Variants in FLG observed in about 807,000 individuals in gnomAD.
FLG encodes the protein filaggrin.
Under a neutral mutation model 3.8 loss-of-function variants are expected in FLG, and 6 were observed. That is an observed-to-expected ratio of 1.60 (90% CI 0.87 to 3.15). The LOEUF (loss-of-function observed/expected upper bound fraction) is 3.15. Among genes scored for constraint, FLG ranks in the 30% most tolerant of loss-of-function variants. The probability of loss-of-function intolerance (pLI) is 0.00; values close to 1 mark genes in which losing one functional copy is unlikely to be tolerated. For missense variants in FLG, 7,595 were observed against 5,050.9 expected (o/e 1.50, Z -15.27); for synonymous variants, 2,551 against 1,931.6 (o/e 1.32, Z -8.41).
In FLG at chr1:152,310,597, T is replaced by G. The variant is rs747402421; in HGVS notation, c.4289A>C (p.Gln1430Pro). 21 of 1,613,934 alleles carry G rather than the reference T, an allele frequency of 1.3e-5. No homozygotes were observed. Among genetic ancestry groups the G allele is most frequent in the Non-Finnish European group, 1.8e-5 (21 of 1,179,956 alleles). Residue 1430 changes from glutamine to proline, a missense_variant, in exon 3 of 3, where the codon CAG becomes CCG. Coordinates refer to ENST00000368799, the MANE Select transcript of FLG (RefSeq NM_002016.2). ...QQSHKESARG[Q>P]SGESSGRSRS... ...TGAACGTCCAGAGCTTTCCCCTGAC[T>G]GGCCACGTGCGGACTCTTTGTGGCT...
rs750064713 is a variant in FLG, at chr1:152,303,563, C to T, written c.11323G>A (p.Glu3775Lys). 43 of 1,613,914 alleles carry T rather than the reference C, an allele frequency of 2.7e-5. No individual in the cohort carries two copies. The highest frequency in any genetic ancestry group is 3.5e-5 in the Non-Finnish European group (41 of 1,180,012). The change falls in exon 3 of 3, where the codon GAG becomes AAG. Residue 3775 changes from glutamate (E) to lysine (K), a missense_variant. By Grantham distance (56) the Glu-to-Lys change is moderately conservative. Transcript: ENST00000368799. ...TGTCCAGACCTATCTACCGATTGCT[C>T]GTGGTAGGATCCCTGTCTTCCTCCT... ...RRGGRQGSYH[E>K]QSVDRSGHSG...
chr1:152,304,667 T>C lies in FLG; in HGVS notation c.10219A>G (p.Thr3407Ala), dbSNP rs1570895283. 1.9e-6 allele frequency: 3 copies of C among 1,611,878 alleles called. No homozygotes were observed. Among genetic ancestry groups the C allele is most frequent in the East Asian group, 2.2e-5 (1 of 44,564 alleles). ...TGGTGGGATCCTTGTCTTCGTCCAGTGCTGGTCCTGGTCCGCCCATGGGCA... is the reference window on the plus strand; with the variant it reads ...TGGTGGGATCCTTGTCTTCGTCCAGCGCTGGTCCTGGTCCGCCCATGGGCA... Reference protein sequence around the residue: ...ESAHGRTRTSTGRRQGSHHEQ... With the variant: ...ESAHGRTRTSAGRRQGSHHEQ... Residue 3407 changes from threonine to alanine, a missense_variant, in exon 3 of 3, where the codon ACT (threonine) becomes GCT (alanine). Physicochemically the swap from Thr to Ala is moderately conservative, Grantham distance 58 (BLOSUM62 0). Transcript: ENST00000368799.
chr1:152,305,228 C>G lies in FLG; in HGVS notation c.9658G>C (p.Asp3220His), dbSNP rs200240824. 1,118 of 1,613,334 alleles carry G rather than the reference C, an allele frequency of 6.9e-4. 9 individuals carry two copies. In the East Asian group the frequency reaches 0.017, roughly 25 times the overall value. ...GAGTCTTCTGAATGTCCCTCACTGT[C>G]ACTGTCCTGGCTCACACTGGATCCC... ...RQGSSVSQDS[D>H]SEGHSEDSER... The change falls in exon 3 of 3, where the codon GAC becomes CAC. Residue 3220 changes from aspartate to histidine, a missense_variant. By Grantham distance (81) the Asp-to-His change is moderately conservative. Coordinates refer to ENST00000368799, the MANE Select transcript of FLG (RefSeq NM_002016.2).
chr1:152,310,450 T>A lies in FLG; in HGVS notation c.4436A>T (p.His1479Leu), dbSNP rs776694382. Residue 1479 changes from histidine to leucine, a missense_variant, in exon 3 of 3, where the codon CAC becomes CTC. His to Leu is a moderately conservative substitution (Grantham distance 99). Transcript: ENST00000368799. ...GTCCTGACCGTCTTGGGATGCTGAG[T>A]GCCTAGAGCTGTTTCGTGCCTGCTC... The part of the protein sequence containing the change: ...RHEQARNSSR[H>L]SASQDGQDTI... 28 of 1,613,536 alleles carry A rather than the reference T, an allele frequency of 1.7e-5. No homozygotes were observed. The highest frequency in any genetic ancestry group is 2.2e-5 in the Non-Finnish European group (26 of 1,179,834).
rs549099674 is a variant in FLG, at chr1:152,308,104, C to T, written c.6782G>A (p.Gly2261Glu). 1.2e-6 allele frequency: 2 copies of T among 1,611,306 alleles called. No individual in the cohort carries two copies. Among genetic ancestry groups the T allele is most frequent in the Non-Finnish European group, 1.7e-6 (2 of 1,179,898 alleles). ...GHSEDSERRS[G>E]SASRNHHGSA... Reference sequence around the variant, plus strand: ...TCCATGATGGTTTCTGGACGCAGACCCAGACCGCCTCTCAGAATCTTCTGA... The same window carrying T: ...TCCATGATGGTTTCTGGACGCAGACTCAGACCGCCTCTCAGAATCTTCTGA... The change falls in exon 3 of 3, where the codon GGG (glycine) becomes GAG (glutamate). Residue 2261 changes from glycine to glutamate, a missense_variant. Physicochemically the swap from Gly to Glu is moderately conservative, Grantham distance 98. Transcript: ENST00000368799.
At chr1:152,315,067 A>G in intron 2 of FLG, 1 of 399,996 alleles carries the variant, frequency 2.5e-6, no homozygotes, top group Non-Finnish European at 4.4e-6. Flanking sequence ...AGAATATTAT[A>G]AATACCAAAA....
chr1:152,309,249 C>A lies in FLG; in HGVS notation c.5637G>T (p.Arg1879Ser). ...CTTCATGGTGACGCGACCCTGAGTGCCTGGAGCCGTCTCCTGATTGTTTCT... is the reference window on the plus strand; with the variant it reads ...CTTCATGGTGACGCGACCCTGAGTGACTGGAGCCGTCTCCTGATTGTTTCT... ...RNEKQSGDGS[R>S]HSGSRHHEAS... is the part of the protein sequence containing the mutation. Residue 1879 changes from arginine to serine, a missense_variant, in exon 3 of 3, where the codon AGG (arginine) becomes AGT (serine). Physicochemically the swap from Arg to Ser is moderately radical, Grantham distance 110 (BLOSUM62 -1). Coordinates refer to ENST00000368799, the MANE Select transcript of FLG (RefSeq NM_002016.2). 1 of 1,613,588 alleles carries A rather than the reference C, an allele frequency of 6.2e-7. No homozygotes were observed. The highest frequency in any genetic ancestry group is 8.5e-7 in the Non-Finnish European group (1 of 1,179,906).
chr1:152,307,134 A>G lies in FLG; in HGVS notation c.7752T>C (p.Ser2584=), dbSNP rs1652024207. Residue 2584 remains serine (S), a synonymous_variant, in exon 3 of 3, where the codon TCT becomes TCC. Coordinates refer to ENST00000368799, the MANE Select transcript of FLG (RefSeq NM_002016.2). ...QGHSEDSERW[S]GSASRNHHGS... The stretch of plus-strand genomic sequence containing the variant: ...CATGATGGTTTCTGGAAGCAGACCC[A>G]GACCACCTCTCAGAGTCTTCTGAGT... 1 of 1,612,246 alleles carries G rather than the reference A, an allele frequency of 6.2e-7. No individual in the cohort carries two copies. The highest frequency in any genetic ancestry group is 1.4e-5 in the African/African-American group (1 of 73,574).
Position 152,313,825 on chromosome 1 carries a change from C to T in FLG, c.1061G>A (p.Arg354Lys), listed in dbSNP as rs1557882069. The part of the protein sequence containing the change: ...ASHGHSADSS[R>K]QSGTRHAETS... ...CTCTGCGTGACGAGTGCCTGATTGT[C>T]TGGAGCTGTCTGCAGAGTGCCCATG... is the stretch of plus-strand genomic sequence containing the variant. The change falls in exon 3 of 3, where the codon AGA becomes AAA. Residue 354 changes from arginine (R) to lysine (K), a missense_variant. Physicochemically the swap from Arg to Lys is conservative, Grantham distance 26. Coordinates refer to ENST00000368799, the MANE Select transcript of FLG (RefSeq NM_002016.2). 1 of 1,614,168 alleles carries T rather than the reference C, an allele frequency of 6.2e-7. No individual in the cohort carries two copies. Among genetic ancestry groups the T allele is most frequent in the Non-Finnish European group, 8.5e-7 (1 of 1,180,028 alleles).
In FLG at chr1:152,308,463, G is replaced by A; in HGVS notation, c.6423C>T (p.His2141=). The change falls in exon 3 of 3, where the codon CAC becomes CAT. Residue 2141 remains histidine, a synonymous_variant. Transcript: ENST00000368799. ...SQEGQDTIRG[H]PGPSRGGRQG... ...GTCTTCCTCCTCTGCTTGGCCCCGG[G>A]TGTCCACGAATGGTGTCCTGACCCT... The A allele has an allele frequency of 1.9e-6, 3 of 1,613,780 alleles. No homozygotes were observed. Among genetic ancestry groups the A allele is most frequent in the Non-Finnish European group, 2.5e-6 (3 of 1,179,900 alleles).
In FLG at chr1:152,310,637, C is replaced by T. The variant is rs200558860; in HGVS notation, c.4249G>A (p.Gly1417Arg). 1.5e-4 allele frequency: 245 copies of T among 1,613,982 alleles called. 1 individual carries two copies. The highest frequency in any genetic ancestry group is 8.2e-4 in the Middle Eastern group (5 of 6,062). Residue 1417 changes from glycine to arginine, a missense_variant, in exon 3 of 3, where the codon GGG becomes AGG. Coordinates refer to ENST00000368799, the MANE Select transcript of FLG (RefSeq NM_002016.2). ...TQSVSAHGQA[G>R]PHQQSHKESA... ...TCTTTGTGGCTCTGCTGATGGGGCC[C>T]AGCTTGTCCGTGGGCTGACACTGAC...
rs771887586 is a variant in FLG at position 152,303,532 on chromosome 1, C to A, written c.11354G>T (p.Gly3785Val). Reference sequence around the variant, plus strand: ...GGATGTGGTGTGGCTGTGATGGGACCCTGAGTGTCCAGACCTATCTACCGA... The same window carrying A: ...GGATGTGGTGTGGCTGTGATGGGACACTGAGTGTCCAGACCTATCTACCGA... ...EQSVDRSGHS[G>V]SHHSHTTSQG... Residue 3785 changes from glycine to valine, a missense_variant, in exon 3 of 3, where the codon GGG becomes GTG. Coordinates refer to ENST00000368799, the MANE Select transcript of FLG (RefSeq NM_002016.2). 1.9e-6 allele frequency: 3 copies of A among 1,614,050 alleles called. No homozygotes were observed. Among genetic ancestry groups the A allele is most frequent in the Non-Finnish European group, 2.5e-6 (3 of 1,180,024 alleles).
At chr1:152,314,856 G>T in intron 2 of FLG, 109 bp from the exon 3 acceptor site, 2 of 1,434,742 alleles carry the variant, frequency 1.4e-6, no homozygotes, top group South Asian at 1.3e-5. Context: ...TTAAAAAGTG[G>T]GACAAAATCT....
Position 152,311,204 on chromosome 1 carries a change from C to T in FLG, c.3682G>A (p.Asp1228Asn), listed in dbSNP as rs1468351868. 3 of 1,613,764 alleles carry T rather than the reference C, an allele frequency of 1.9e-6. No homozygotes were observed. Among genetic ancestry groups the T allele is most frequent in the Admixed American group, 3.3e-5 (2 of 59,984 alleles). Reference sequence around the variant, plus strand: ...CGTGACCCTGAGTGCCTGGAGCCGTCTCCTGATTGTTTGTCCTTACGAGTT... The same window carrying T: ...CGTGACCCTGAGTGCCTGGAGCCGTTTCCTGATTGTTTGTCCTTACGAGTT... ...RQTRKDKQSG[D>N]GSRHSGSRHH... is the part of the protein sequence containing the mutation. The change falls in exon 3 of 3, where the codon GAC (aspartate) becomes AAC (asparagine). Residue 1228 changes from aspartate to asparagine, a missense_variant. Asp to Asn is a conservative substitution (Grantham distance 23). Coordinates refer to ENST00000368799, the MANE Select transcript of FLG (RefSeq NM_002016.2).
rs1195478941 is a variant in FLG, at chr1:152,314,631, ATATGC to A, written c.250_254del (p.Ala84LeufsTer2). On this transcript the variant is annotated frameshift_variant, in exon 3 of 3. Transcript: ENST00000368799. LOFTEE classifies it low-confidence loss of function (END_TRUNC). ...AATTCTCTTTTCTGGTAGACTCATA[ATATGC>A]TTGAGCCAACTTGAATACCATCAGA... 1.2e-5 allele frequency: 20 copies of A among 1,614,050 alleles called. No individual in the cohort carries two copies. The highest frequency in any genetic ancestry group is 1.6e-5 in the Non-Finnish European group (19 of 1,179,988).
rs749703568 is a variant in FLG, at chr1:152,311,836, T to C, written c.3050A>G (p.Gln1017Arg). ...TPHAETSSGGQAASSHEQARS... is the reference protein window; with the variant it reads ...TPHAETSSGGRAASSHEQARS... Reference sequence around the variant, plus strand: ...TGCCTGTTCATGGGATGACGCAGCCTGTCCACCAGAGGAAGTCTCTGCGTG... The same window carrying C: ...TGCCTGTTCATGGGATGACGCAGCCCGTCCACCAGAGGAAGTCTCTGCGTG... Residue 1017 changes from glutamine to arginine, a missense_variant, in exon 3 of 3, where the codon CAG becomes CGG. Coordinates refer to ENST00000368799, the MANE Select transcript of FLG (RefSeq NM_002016.2). The C allele has an allele frequency of 6.2e-7, 1 of 1,614,142 alleles. No homozygotes were observed. The highest frequency in any genetic ancestry group is 8.5e-7 in the Non-Finnish European group (1 of 1,180,006).
rs200504242 is a variant in FLG, at chr1:152,314,011, C to T, written c.875G>A (p.Arg292His). 1.2e-4 allele frequency: 192 copies of T among 1,614,204 alleles called. No individual in the cohort carries two copies. The highest frequency in any genetic ancestry group is 8.2e-4 in the Middle Eastern group (5 of 6,062). The part of the protein sequence containing the change: ...VPLQESRTRK[R>H]RGSRVSQDRD... The stretch of plus-strand genomic sequence containing the variant: ...GTCCTGGCTAACTCTGGATCCCCTA[C>T]GCTTTCTTGTCCTGGACTCCTGCAA... Residue 292 changes from arginine to histidine, a missense_variant, in exon 3 of 3, where the codon CGT becomes CAT. By Grantham distance (29) the Arg-to-His change is conservative. Coordinates refer to ENST00000368799, the MANE Select transcript of FLG (RefSeq NM_002016.2).
chr1:152,314,498 T>A lies in FLG; in HGVS notation c.388A>T (p.Arg130Ter). 6.2e-7 allele frequency: 1 copy of A among 1,613,842 alleles called. No individual in the cohort carries two copies. ...ENRKRPSSLE[R>*]RNNRKGNKGR... is the part of the protein sequence containing the mutation. ...TTATTCCCTTTTCTATTGTTTCTTC[T>A]TTCCAGACTTGAGGGTCTTTTTCTG... Residue 130 changes from arginine (R) to a stop codon, truncating the protein, a stop_gained, in exon 3 of 3, where the codon AGA becomes TGA. Transcript: ENST00000368799. LOFTEE classifies it low-confidence loss of function (END_TRUNC).
At chr1:152,319,189 G>T (rs1652877990) in intron 1 of FLG, among the ~76,000 whole-genome samples, 3 of 151,490 alleles carry the variant, frequency 2.0e-5, no homozygotes, top group Admixed American at 6.6e-5. Flanking sequence ...TTTATTTTAG[G>T]TGTGATGAGA....
Sources: allele counts gnomAD v4.1 joint callset (sites outside exome capture counted in the v4.1 genomes callset), GRCh38; gene constraint gnomAD v4.1.1; transcripts MANE v1.5; gene names NCBI Gene and HGNC (gene_info 2026-07-23, HGNC 2026-07-21).